The following SLC25A51 variants were observed in gnomAD, a reference collection of about 807,000 sequenced individuals.
The protein encoded by SLC25A51 is solute carrier family 25 member 51.
SLC25A51 carries 11 observed loss-of-function variants against 19.1 expected under a neutral mutation model. That is an observed-to-expected ratio of 0.58 (90% CI 0.36 to 0.96). The LOEUF (loss-of-function observed/expected upper bound fraction) is 0.96. SLC25A51 is among the 40% of genes least tolerant of loss of function. The probability of loss-of-function intolerance (pLI) is 0.01; values close to 1 mark genes in which losing one functional copy is unlikely to be tolerated. For synonymous variants in SLC25A51, 105 were observed against 133.6 expected, an observed-to-expected ratio of 0.79 and a Z score of 1.47; for missense variants, 201 against 365.4, an observed-to-expected ratio of 0.55 and a Z score of 3.67.
chr9:37,880,997 T>C (rs1831338727), intron 3 of SLC25A51, among the ~76,000 whole-genome samples: 1 of 152,140 alleles, frequency 6.6e-6, no homozygotes. Context: ...ACTTATTCTT[T>C]ATGATGGATT....
downstream of SLC25A51, among the ~76,000 whole-genome samples, chr9:37,882,701 G>A (rs573183939): frequency 1.3e-5 from 2 of 152,254 alleles, no homozygotes; most frequent in Non-Finnish European, 2.9e-5. Context: ...TGTTCAATAC[G>A]GAATCCATAA....
chr9:37,889,132 C>A (rs1439700424), intron 2 of SLC25A51, among the ~76,000 whole-genome samples: 1 of 152,128 alleles, frequency 6.6e-6, no homozygotes, highest in African/African-American at 2.4e-5. Context: ...AGTCCTAACA[C>A]CAAAAACTTT....
downstream of SLC25A51, among the ~76,000 whole-genome samples, chr9:37,877,850 A>G (rs1316083087): frequency 2.6e-5 from 4 of 152,138 alleles, no homozygotes; most frequent in Non-Finnish European, 5.9e-5. Context: ...TCTACAAAAA[A>G]TACAAAATTT....
At chr9:37,887,316 C>CAAA (rs367826068), downstream of SLC25A51, among the ~76,000 whole-genome samples, 1 of 123,090 alleles carries the variant, frequency 8.1e-6, no homozygotes, top group African/African-American at 3.1e-5. Flanking sequence ...GACTCTGCCT[C>CAAA]AAAAAAAAAA....
At chr9:37,893,547 A>G (rs1408283115) in intron 2 of SLC25A51, among the ~76,000 whole-genome samples, 1 of 152,218 alleles carries the variant, frequency 6.6e-6, no homozygotes, top group Non-Finnish European at 1.5e-5. Context: ...CTCCCTGATC[A>G]GGAGAGCCAT....
In SLC25A51 at chr9:37,887,897, T is replaced by G. The variant is rs760611633; in HGVS notation, c.654A>C (p.Gly218=). 6.2e-7 allele frequency: 1 copy of G among 1,611,982 alleles called. No homozygotes were observed. Among genetic ancestry groups the G allele is most frequent in the Non-Finnish European group, 8.5e-7 (1 of 1,179,850 alleles). Residue 218 remains glycine (G), a synonymous_variant, in exon 3 of 3, where the codon GGA becomes GGC. Transcript: ENST00000242275. ...ATCCCAACATGGCACCCAATAGACC[T>G]CCACAGATAAAATCATTGACCAGAT... ...SAHLVNDFIC[G]GLLGAMLGFL...
At chr9:37,886,456 A>G, downstream of SLC25A51, 5 of 1,469,372 alleles carry the variant, frequency 3.4e-6, no homozygotes, top group African/African-American at 1.4e-5. Flanking sequence ...CACAAGCCTG[A>G]GACTACAGCC....
intron 2 of SLC25A51, among the ~76,000 whole-genome samples, chr9:37,897,478 A>G (rs1309698082): frequency 6.6e-6 from 1 of 152,138 alleles, no homozygotes; most frequent in East Asian, 1.9e-4. Context: ...CTGAATTCTT[A>G]CTATGTCTCA....
intron 2 of SLC25A51, among the ~76,000 whole-genome samples, chr9:37,895,833 TGA>T (rs1238528053): frequency 3.3e-5 from 5 of 151,760 alleles, no homozygotes; most frequent in African/African-American, 1.2e-4. Context: ...TTTTTTTTTT[TGA>T]GAGAGTCTCA....
chr9:37,904,024 TGCGAAGAAA>T (rs1831918390), intron 1 of SLC25A51, 35 bp downstream of exon 1: 1 of 152,316 alleles, frequency 6.6e-6, no homozygotes. Flanking sequence ...TCCAACCTCA[TGCGAAGAAA>T]GCCCGGTGCT....
chr9:37,885,917 T>G, downstream of SLC25A51: 1 of 1,594,122 alleles, frequency 6.3e-7, no homozygotes, highest in East Asian at 2.3e-5. Context: ...GTATATCAAG[T>G]ACTTCAATGA....
At chr9:37,887,275 C>T (rs1831480980), downstream of SLC25A51, among the ~76,000 whole-genome samples, 1 of 151,548 alleles carries the variant, frequency 6.6e-6, no homozygotes, top group African/African-American at 2.4e-5. Flanking sequence ...CAAGATCGTG[C>T]CACTGCACTC....
exon 4 of SLC25A51, chr9:37,880,538 G>T (rs1587149979): frequency 6.6e-6 from 1 of 152,112 alleles, no homozygotes; most frequent in Non-Finnish European, 1.5e-5. Context: ...ATCACCTGAG[G>T]TTAGGAGTTT....
intron 1 of SLC25A51, among the ~76,000 whole-genome samples, chr9:37,900,755 T>C (rs1474908199): frequency 1.3e-5 from 2 of 152,180 alleles, no homozygotes; most frequent in Admixed American, 6.5e-5. Context: ...TGTGTACTTA[T>C]GTTCCCTTTT....
At chr9:37,903,143 A>G in intron 1 of SLC25A51, among the ~76,000 whole-genome samples, 1 of 152,208 alleles carries the variant, frequency 6.6e-6, no homozygotes. Flanking sequence ...CAAAGCGGTA[A>G]CCTGTGCTCT....
chr9:37,878,155 G>GT (rs1371046889), downstream of SLC25A51: 1 of 164,142 alleles, frequency 6.1e-6, no homozygotes, highest in Non-Finnish European at 1.5e-5. Flanking sequence ...CTATGTGAGG[G>GT]TAAAACAAAA....
chr9:37,884,561 A>G (rs1041883428), downstream of SLC25A51, among the ~76,000 whole-genome samples: 11 of 152,304 alleles, frequency 7.2e-5, no homozygotes, highest in East Asian at 1.2e-3. Flanking sequence ...AACTAGGGGG[A>G]AAAAAGTGGG....
At chr9:37,880,031 T>A (rs1177738527) in exon 4 of SLC25A51, 1 of 152,310 alleles carries the variant, frequency 6.6e-6, no homozygotes, top group Non-Finnish European at 1.5e-5. Flanking sequence ...TTTAAAAAAT[T>A]ACTGATGGCC....
rs1325991164 is a variant in SLC25A51, at chr9:37,887,921, A to G, written c.630T>C (p.His210=). 6.2e-7 allele frequency: 1 copy of G among 1,612,056 alleles called. No individual in the cohort carries two copies. The highest frequency in any genetic ancestry group is 2.2e-5 in the East Asian group (1 of 44,886). Residue 210 remains histidine (H), a synonymous_variant, in exon 3 of 3, where the codon CAT becomes CAC. Transcript: ENST00000242275. ...HLPTATTHSA[H]LVNDFICGGL... ...CTCCACAGATAAAATCATTGACCAG[A>G]TGAGCACTGTGAGTCGTTGCGGTAG...
Sources: gnomAD v4.1 joint callset for allele counts (sites outside exome capture counted in the v4.1 genomes callset) on GRCh38, gnomAD v4.1.1 for gene constraint, MANE v1.5 for transcripts, NCBI Gene and HGNC (gene_info 2026-07-23, HGNC 2026-07-21) for gene names.